Variants in MAST4 observed in about 807,000 individuals in gnomAD.
MAST4 encodes the protein microtubule-associated serine/threonine-protein kinase 4.
MAST4 carries 89 observed loss-of-function variants against 162.7 expected under a neutral mutation model. The ratio of observed to expected loss-of-function variants is 0.55; its 90% CI spans 0.46 to 0.65. The LOEUF (loss-of-function observed/expected upper bound fraction) is 0.65, where lower values mean the gene tolerates loss of function less well. Ranked by LOEUF, MAST4 falls within the 30% of genes least tolerant of loss-of-function variation. The pLI, the probability that MAST4 is intolerant of heterozygous loss-of-function variation, is 0.00. For synonymous variants in MAST4, 1,479 were observed against 1,361.1 expected, an observed-to-expected ratio of 1.09 and a Z score of -1.91; for missense variants, 3,153 against 3,374.0, an observed-to-expected ratio of 0.93 and a Z score of 1.62.
intron 3 of MAST4, among the ~76,000 whole-genome samples, chr5:66,819,269 T>C (rs1756877044): frequency 6.6e-6 from 1 of 152,162 alleles, no homozygotes; most frequent in African/African-American, 2.4e-5. Context: ...GAAAGAAACT[T>C]AGCTATTTAA....
At chr5:67,015,759 C>A (rs1753215661) in intron 4 of MAST4, among the ~76,000 whole-genome samples, 1 of 152,128 alleles carries the variant, frequency 6.6e-6, no homozygotes, top group Non-Finnish European at 1.5e-5. Flanking sequence ...ACCTCTGAAA[C>A]ATGGGAAGTT....
intron 1 of MAST4, among the ~76,000 whole-genome samples, chr5:66,671,042 T>C (rs1034726245): frequency 6.6e-6 from 1 of 152,194 alleles, no homozygotes; most frequent in Non-Finnish European, 1.5e-5. Flanking sequence ...TTTTCTTATA[T>C]GGTTGCTGTG....
chr5:67,034,884 C>T (rs1161625772), intron 4 of MAST4, among the ~76,000 whole-genome samples: 5 of 152,096 alleles, frequency 3.3e-5, no homozygotes, highest in African/African-American at 1.2e-4. Flanking sequence ...ATGATAGTAT[C>T]TTCATTGATG....
chr5:66,714,762 G>A (rs1453284182), intron 1 of MAST4, among the ~76,000 whole-genome samples: 1 of 152,154 alleles, frequency 6.6e-6, no homozygotes, highest in African/African-American at 2.4e-5. Flanking sequence ...GCCGCACACT[G>A]AGTGGGAGCC....
chr5:66,699,925 A>AC (rs1012361437), intron 1 of MAST4, among the ~76,000 whole-genome samples: 34 of 152,206 alleles, frequency 2.2e-4, no homozygotes, highest in African/African-American at 7.5e-4. Flanking sequence ...CTTAAAAAAA[A>AC]AAACAAACCC....
chr5:66,644,002 A>G (rs942249170), intron 1 of MAST4, among the ~76,000 whole-genome samples: 6 of 150,996 alleles, frequency 4.0e-5, no homozygotes, highest in African/African-American at 1.5e-4. Context: ...TGTGTCCTAT[A>G]TTCTAGAGTC....
At chr5:66,788,601 C>CCCCCCCCAACCAAAAAAAAAAAAAA in intron 2 of MAST4, 69 bp from the exon 3 acceptor site, 1 of 1,179,560 alleles carries the variant, frequency 8.5e-7, no homozygotes, top group Non-Finnish European at 1.2e-6. Context: ...ACCCCACCCC[C>CCCCCCCCAACCAAAAAAAAAAAAAA]ACCCCCATTG....
intron 14 of MAST4, among the ~76,000 whole-genome samples, chr5:67,122,812 T>C (rs1460490381): frequency 6.6e-6 from 1 of 152,174 alleles, no homozygotes; most frequent in Non-Finnish European, 1.5e-5. Flanking sequence ...ATGAGGTATA[T>C]CACACTTTGG....
chr5:66,631,595 A>G lies in MAST4; in HGVS notation c.363+34577A>G, dbSNP rs988009931. On this transcript the variant is annotated intron_variant, in intron 1 of 28. Coordinates refer to ENST00000403625, the MANE Select transcript of MAST4 (RefSeq NM_001164664.2). ...CGCTAGGTAATACTTTGTGTGTACA[A>G]TAAGCTCCCCAACAACACCCCCAAA... Among the ~76,000 whole-genome samples, 11 of 152,230 alleles carry G rather than the reference A, an allele frequency of 7.2e-5. No individual in the cohort carries two copies. The South Asian group carries it at 1.5e-3, about 20-fold the overall frequency.
At chr5:66,968,052 C>CT (rs1362842916) in intron 4 of MAST4, among the ~76,000 whole-genome samples, 2 of 152,174 alleles carry the variant, frequency 1.3e-5, no homozygotes, top group African/African-American at 4.8e-5. Context: ...AAGAAGCTAT[C>CT]TCATTTCACA....
chr5:67,040,045 T>A (rs537751773), intron 4 of MAST4, among the ~76,000 whole-genome samples: 4 of 152,014 alleles, frequency 2.6e-5, no homozygotes, highest in African/African-American at 7.2e-5. Flanking sequence ...TTATTCTGAT[T>A]TGCTGGCCAA....
At chr5:66,872,584 C>G (rs932601320) in intron 3 of MAST4, among the ~76,000 whole-genome samples, 2 of 152,180 alleles carry the variant, frequency 1.3e-5, no homozygotes, top group African/African-American at 4.8e-5. Flanking sequence ...GGCATCCCTT[C>G]CCGCCGAGCC....
chr5:66,629,636 T>C (rs1561224424), intron 1 of MAST4, among the ~76,000 whole-genome samples: 1 of 152,200 alleles, frequency 6.6e-6, no homozygotes, highest in Admixed American at 6.5e-5. Flanking sequence ...TAAATCAAAA[T>C]GTGGTGGAAT....
chr5:66,718,122 T>G (rs1433252001), intron 1 of MAST4, among the ~76,000 whole-genome samples: 1 of 152,022 alleles, frequency 6.6e-6, no homozygotes, highest in East Asian at 1.9e-4. Flanking sequence ...GTCTATGGGA[T>G]GAGATGCACA....
At chr5:66,981,548 T>C (rs1051918286) in intron 4 of MAST4, among the ~76,000 whole-genome samples, 1 of 152,182 alleles carries the variant, frequency 6.6e-6, no homozygotes, top group Non-Finnish European at 1.5e-5. Context: ...GGAAATTGAG[T>C]TCAGAAACTG....
intron 1 of MAST4, among the ~76,000 whole-genome samples, chr5:66,670,404 G>T (rs78365650): frequency 6.6e-6 from 1 of 151,744 alleles, no homozygotes; most frequent in African/African-American, 2.4e-5. Context: ...ACTCCTAATC[G>T]TTGATTTACT....
intron 1 of MAST4, among the ~76,000 whole-genome samples, chr5:66,691,742 G>A (rs1005297825): frequency 5.3e-5 from 8 of 152,012 alleles, no homozygotes; most frequent in African/African-American, 1.9e-4. Context: ...GAGGGGATCC[G>A]CTTTCATGAC....
rs550822723 is a variant in MAST4 at position 67,117,614 on chromosome 5, T to C, written c.1592-1068T>C. ...AATATGTAACTAAAAACTATGACTT[T>C]TATTATGCATGTTCAATTTTGAAAA... On this transcript the variant is annotated intron_variant, in intron 12 of 28. Transcript: ENST00000403625. Among the ~76,000 whole-genome samples, 165 of 152,010 alleles carry C rather than the reference T, an allele frequency of 1.1e-3. 1 individual carries two copies. The highest frequency in any genetic ancestry group is 0.01 in the Middle Eastern group (3 of 294).
At chr5:66,797,611 G>C (rs1755715084) in intron 3 of MAST4, among the ~76,000 whole-genome samples, 1 of 152,178 alleles carries the variant, frequency 6.6e-6, no homozygotes, top group Non-Finnish European at 1.5e-5. Flanking sequence ...CTAGTTGCAA[G>C]AAGACTTTTG....
Sources: gnomAD v4.1 joint callset for allele counts (sites outside exome capture counted in the v4.1 genomes callset) on GRCh38, gnomAD v4.1.1 for gene constraint, MANE v1.5 for transcripts, NCBI Gene and HGNC (gene_info 2026-07-23, HGNC 2026-07-21) for gene names.